SDK1: variants seen among roughly 807,000 people sequenced by gnomAD.
SDK1 encodes sidekick cell adhesion molecule 1.
SDK1 carries 157 observed loss-of-function variants against 245.5 expected under a neutral mutation model. The ratio of observed to expected loss-of-function variants is 0.64; its 90% CI spans 0.56 to 0.73. The LOEUF is 0.73. SDK1 is among the 30% of genes least tolerant of loss of function. SDK1 has a pLI of 0.00. For synonymous variants in SDK1, 1,647 were observed against 1,278.5 expected, an observed-to-expected ratio of 1.29 and a Z score of -6.15; for missense variants, 3,583 against 3,002.3, an observed-to-expected ratio of 1.19 and a Z score of -4.52.
chr7:3,489,977 GT>G (rs1009132459), intron 1 of SDK1, among the ~76,000 whole-genome samples: 348 of 151,548 alleles, frequency 2.3e-3, no homozygotes, highest in African/African-American at 8.2e-3. Context: ...GTCAAGATGG[GT>G]TTTTTTTTCC....
At chr7:3,537,557 G>C (rs533391442) in intron 1 of SDK1, among the ~76,000 whole-genome samples, 1 of 152,146 alleles carries the variant, frequency 6.6e-6, no homozygotes, top group African/African-American at 2.4e-5. Context: ...TGACTCTTTG[G>C]GGTTGAAAAG....
At chr7:3,604,790 C>T (rs1781370090) in intron 1 of SDK1, among the ~76,000 whole-genome samples, 1 of 151,564 alleles carries the variant, frequency 6.6e-6, no homozygotes, top group Admixed American at 6.6e-5. Flanking sequence ...TTAGGTGAGA[C>T]AGGGTTTCTC....
intron 1 of SDK1, among the ~76,000 whole-genome samples, chr7:3,480,175 A>G (rs930995512): frequency 6.6e-6 from 1 of 152,226 alleles, no homozygotes; most frequent in African/African-American, 2.4e-5. Flanking sequence ...ACAAGTCCTT[A>G]ATGTGAAAGA....
At chr7:3,509,421 G>A (rs1412615565) in intron 1 of SDK1, among the ~76,000 whole-genome samples, 2 of 152,200 alleles carry the variant, frequency 1.3e-5, no homozygotes, top group East Asian at 1.9e-4. Flanking sequence ...TTGTAAGACA[G>A]GGTAATGATA....
chr7:3,640,048 G>T (rs1035527106), intron 3 of SDK1, among the ~76,000 whole-genome samples: 1 of 151,972 alleles, frequency 6.6e-6, no homozygotes, highest in African/African-American at 2.4e-5. Flanking sequence ...GTAGGGGAGG[G>T]ATCGCACTGC....
intron 1 of SDK1, among the ~76,000 whole-genome samples, chr7:3,343,198 A>G (rs1780395474): frequency 6.6e-6 from 1 of 152,188 alleles, no homozygotes; most frequent in African/African-American, 2.4e-5. Flanking sequence ...ACACATAATC[A>G]TGCAAAAACC....
intron 1 of SDK1, among the ~76,000 whole-genome samples, chr7:3,536,313 G>T (rs1282574385): frequency 6.6e-6 from 1 of 151,890 alleles, no homozygotes; most frequent in Non-Finnish European, 1.5e-5. Flanking sequence ...TGATCTGCCT[G>T]CCTCAGCCTC....
rs559672933 is a variant in SDK1 at position 3,454,015 on chromosome 7, T to C, written c.298+152131T>C. On this transcript the variant is annotated intron_variant, in intron 1 of 44. Transcript: ENST00000404826. ...GGGAAGTTTTAGGAATTAGAAGTTA[T>C]GTAGATTTTTAAACATTGAGAACTT... 1.4e-3 allele frequency among the ~76,000 whole-genome samples: 208 copies of C among 152,342 alleles called. 1 individual carries two copies. Among genetic ancestry groups the C allele is most frequent in the Non-Finnish European group, 2.5e-3 (168 of 68,030 alleles).
chr7:3,787,617 C>T (rs908657398), intron 4 of SDK1, among the ~76,000 whole-genome samples: 2 of 152,150 alleles, frequency 1.3e-5, no homozygotes, highest in Non-Finnish European at 2.9e-5. Flanking sequence ...AAGTATCATT[C>T]CTCTGGAAGA....
At chr7:3,796,919 T>C (rs1778974221) in intron 4 of SDK1, among the ~76,000 whole-genome samples, 1 of 152,168 alleles carries the variant, frequency 6.6e-6, no homozygotes, top group Admixed American at 6.5e-5. Context: ...CAATTAGATA[T>C]ATACTTAACT....
intron 1 of SDK1, among the ~76,000 whole-genome samples, chr7:3,400,311 T>A (rs1325430618): frequency 6.6e-6 from 1 of 152,168 alleles, no homozygotes; most frequent in Admixed American, 6.6e-5. Flanking sequence ...TTGGTTAATT[T>A]TCAGAATTTT....
Position 3,630,407 on chromosome 7 carries a change from G to C in SDK1, c.459-8597G>C, listed in dbSNP as rs112391053. On this transcript the variant is annotated intron_variant, in intron 2 of 44. Coordinates refer to ENST00000404826, the MANE Select transcript of SDK1 (RefSeq NM_152744.4). ...GTGAGTTTAGCAACATTACAAGATA[G>C]AAGATCAACATATAAGAATTAATTA... Among the ~76,000 whole-genome samples the C allele has an allele frequency of 5.5e-3, 833 of 152,286 alleles. 11 individuals carry two copies. Among genetic ancestry groups the C allele is most frequent in the African/African-American group, 0.019 (791 of 41,552 alleles).
intron 2 of SDK1, among the ~76,000 whole-genome samples, chr7:3,634,040 C>T (rs1456328447): frequency 6.6e-6 from 1 of 152,158 alleles, no homozygotes; most frequent in Non-Finnish European, 1.5e-5. Context: ...TGGGCATCAC[C>T]AACCCCAGAT....
At chr7:4,232,407 C>CT (rs201396862) in intron 40 of SDK1, among the ~76,000 whole-genome samples, 1,898 of 73,018 alleles carry the variant, frequency 0.026, 52 homozygotes, top group African/African-American at 0.055. Context: ...CTTTTCTTTT[C>CT]TTTCTTTTTT....
intron 1 of SDK1, among the ~76,000 whole-genome samples, chr7:3,480,006 C>T (rs550826793): frequency 3.6e-4 from 55 of 152,188 alleles, no homozygotes; most frequent in Non-Finnish European, 6.8e-4. Context: ...TGTCCACGCC[C>T]AAAGTAAAGA....
chr7:3,987,831 C>G (rs917535449), intron 14 of SDK1, among the ~76,000 whole-genome samples: 10 of 152,192 alleles, frequency 6.6e-5, no homozygotes, highest in Non-Finnish European at 1.0e-4. Context: ...GGGCCACTCA[C>G]AGCCTTGGCT....
At chr7:3,586,315 G>T (rs928330553) in intron 1 of SDK1, among the ~76,000 whole-genome samples, 1 of 152,094 alleles carries the variant, frequency 6.6e-6, no homozygotes, top group Non-Finnish European at 1.5e-5. Flanking sequence ...GTGGGAGGAA[G>T]TGCACCCAGT....
chr7:3,604,271 T>A (rs1583216996), intron 1 of SDK1, among the ~76,000 whole-genome samples: 1 of 152,194 alleles, frequency 6.6e-6, no homozygotes, highest in Admixed American at 6.5e-5. Context: ...CCAGCTCCTC[T>A]TTGTACCTCT....
At position 3,560,512 on chromosome 7, in the gene SDK1, C is replaced by T. The variant is rs145229015; in HGVS notation, c.299-58568C>T. On this transcript the variant is annotated intron_variant, in intron 1 of 44. Transcript: ENST00000404826. Reference sequence around the variant, plus strand: ...ATATCTGGAATTTGGTCATTTTTAACCATTCCTACTACTGCTACCAATCTG... The same window carrying T: ...ATATCTGGAATTTGGTCATTTTTAATCATTCCTACTACTGCTACCAATCTG... Among the ~76,000 whole-genome samples the T allele has an allele frequency of 1.4e-3, 206 of 152,176 alleles. 4 individuals carry two copies. Among genetic ancestry groups the T allele is most frequent in the African/African-American group, 4.8e-3 (200 of 41,528 alleles).
Sources: gnomAD v4.1 joint callset for allele counts (sites outside exome capture counted in the v4.1 genomes callset) on GRCh38, gnomAD v4.1.1 for gene constraint, MANE v1.5 for transcripts, NCBI Gene and HGNC (gene_info 2026-07-23, HGNC 2026-07-21) for gene names.